Variants in TMEM132B observed in about 807,000 individuals in gnomAD.
TMEM132B encodes the protein transmembrane protein 132B.
In TMEM132B, 18 loss-of-function variants were observed where a neutral mutation model predicts 90.8. That is an observed-to-expected ratio of 0.20 (90% confidence interval 0.14 to 0.29). The LOEUF (loss-of-function observed/expected upper bound fraction) is 0.29. Ranked by LOEUF, TMEM132B falls within the 10% of genes least tolerant of loss-of-function variation. The pLI, the probability that TMEM132B is intolerant of heterozygous loss-of-function variation, is 1.00. For synonymous variants in TMEM132B, 504 were observed against 523.3 expected (o/e 0.96, Z 0.50); for missense variants, 1,096 against 1,326.8 (o/e 0.83, Z 2.70).
At chr12:125,451,678 C>T (rs1344195208) in intron 3 of TMEM132B, among the ~76,000 whole-genome samples, 5 of 151,154 alleles carry the variant, frequency 3.3e-5, no homozygotes, top group South Asian at 2.1e-4. Flanking sequence ...CTCGTCTCCT[C>T]ATGTGTGTAG....
chr12:125,254,864 T>C (rs1187686652), intron 1 of TMEM132B, among the ~76,000 whole-genome samples: 1 of 151,932 alleles, frequency 6.6e-6, no homozygotes. Flanking sequence ...TTTGTGTTTT[T>C]AGTAGAGATG....
In TMEM132B at chr12:125,445,450, C is replaced by G. The variant is rs1432610067; in HGVS notation, c.1106+29773C>G. Among the ~76,000 whole-genome samples the G allele has an allele frequency of 1.3e-5, 2 of 152,204 alleles. No individual in the cohort carries two copies. The highest frequency in any genetic ancestry group is 4.8e-5 in the African/African-American group (2 of 41,452). ...CTGAGACAATGGGCCAAAGTCTAAG[C>G]CTTTCTTCTCTGCAGTGAGTACGGT... is the stretch of plus-strand genomic sequence containing the variant. On this transcript the variant is annotated intron_variant, in intron 3 of 8. Coordinates refer to ENST00000682704, the MANE Select transcript of TMEM132B (RefSeq NM_001366854.1). The surrounding 1 kb of genome is among the most constrained non-coding windows in gnomAD (Gnocchi z 4.3).
chr12:125,512,520 T>C (rs1484868212), intron 3 of TMEM132B, among the ~76,000 whole-genome samples: 3 of 152,224 alleles, frequency 2.0e-5, no homozygotes, highest in African/African-American at 7.2e-5. Context: ...TCTTAGAGTA[T>C]GCCCAGTTGG....
intron 3 of TMEM132B, among the ~76,000 whole-genome samples, chr12:125,497,873 C>T (rs1276722722): frequency 6.6e-6 from 1 of 152,188 alleles, no homozygotes; most frequent in Non-Finnish European, 1.5e-5. Context: ...CTAGCAGGAA[C>T]ATGCCTGAGG....
intron 2 of TMEM132B, among the ~76,000 whole-genome samples, chr12:125,370,293 T>G (rs1878254133): frequency 6.6e-6 from 1 of 152,190 alleles, no homozygotes; most frequent in African/African-American, 2.4e-5. Flanking sequence ...ATGATTATGT[T>G]GTTCTTTCCC....
At chr12:125,442,276 A>G (rs1264100404) in intron 3 of TMEM132B, among the ~76,000 whole-genome samples, 2 of 150,108 alleles carry the variant, frequency 1.3e-5, no homozygotes, top group Admixed American at 1.3e-4. Flanking sequence ...TAGGGAACCA[A>G]CAGATAGTTT....
chr12:125,575,576 A>G (rs1211220779), intron 4 of TMEM132B, among the ~76,000 whole-genome samples: 1 of 151,580 alleles, frequency 6.6e-6, no homozygotes, highest in East Asian at 1.9e-4. Context: ...ATAAAGTACA[A>G]TTTATCTATT....
intron 5 of TMEM132B, among the ~76,000 whole-genome samples, chr12:125,621,739 A>G (rs1230679647): frequency 2.0e-5 from 3 of 152,160 alleles, no homozygotes; most frequent in Non-Finnish European, 4.4e-5. Flanking sequence ...GGAACCAGCA[A>G]AAGTTTTTAA....
rs906291590 is a variant in TMEM132B, at chr12:125,308,620, CT to C, written c.68-40823del. On this transcript the variant is annotated intron_variant, in intron 1 of 8. Transcript: ENST00000682704. The stretch of plus-strand genomic sequence containing the variant: ...TACTAGCAGGATGTGAAAAACCTTT[CT>C]TTTTTTTTAATTGTAATTTTTATTT... Among the ~76,000 whole-genome samples the C allele has an allele frequency of 1.2e-4, 18 of 151,136 alleles. 1 individual carries two copies. The highest frequency in any genetic ancestry group is 7.3e-5 in the African/African-American group (3 of 41,148).
intron 1 of TMEM132B, among the ~76,000 whole-genome samples, chr12:125,304,511 C>T (rs912491561): frequency 1.3e-5 from 2 of 151,866 alleles, no homozygotes; most frequent in Admixed American, 6.6e-5. Flanking sequence ...AGATTTTGCC[C>T]TTAGGTTTTC....
At chr12:125,334,236 G>A (rs567578327) in intron 1 of TMEM132B, among the ~76,000 whole-genome samples, 4 of 152,212 alleles carry the variant, frequency 2.6e-5, no homozygotes, top group East Asian at 1.9e-4. Flanking sequence ...AGAATCGTCC[G>A]TTACTCAATC....
Position 125,415,399 on chromosome 12 carries a change from C to G in TMEM132B, c.960-132C>G, listed in dbSNP as rs1438727265. On this transcript the variant is annotated intron_variant, in intron 2 of 8. Coordinates refer to ENST00000682704, the MANE Select transcript of TMEM132B (RefSeq NM_001366854.1). The surrounding 1 kb of genome is among the most constrained non-coding windows in gnomAD (Gnocchi z 5.3). ...AAAGCCACTTGCCACCACTCTCCCCCACATCTCCCAGAGGAAGGGGGCGAT... is the reference window on the plus strand; with the variant it reads ...AAAGCCACTTGCCACCACTCTCCCCGACATCTCCCAGAGGAAGGGGGCGAT... 11 of 1,170,276 alleles carry G rather than the reference C, an allele frequency of 9.4e-6. No individual in the cohort carries two copies. Among genetic ancestry groups the G allele is most frequent in the Admixed American group, 2.4e-5 (1 of 40,960 alleles). 72.5% of individuals were successfully genotyped at this position (1,170,276 alleles called of 1,614,324 possible).
intron 1 of TMEM132B, among the ~76,000 whole-genome samples, chr12:125,282,053 A>AAAAAAAAAAAAAAAAAAAAAAAAAAAAT (rs1875202813): frequency 3.0e-5 from 1 of 33,402 alleles, no homozygotes; most frequent in Admixed American, 3.2e-4. Flanking sequence ...AAAAAAAAAA[A>AAAAAAAAAAAAAAAAAAAAAAAAAAAAT]AAAAAAAGAG....
chr12:125,254,769 C>T (rs994917596), intron 1 of TMEM132B, among the ~76,000 whole-genome samples: 5 of 151,220 alleles, frequency 3.3e-5, no homozygotes, highest in Admixed American at 6.6e-5. Context: ...CTGCAACCTC[C>T]GCCTCCCGAG....
chr12:125,497,950 G>T (rs912210811), intron 3 of TMEM132B, among the ~76,000 whole-genome samples: 3 of 152,162 alleles, frequency 2.0e-5, no homozygotes, highest in African/African-American at 7.2e-5. Context: ...GCTTGATCAT[G>T]AGTTGGCAAA....
intron 1 of TMEM132B, among the ~76,000 whole-genome samples, chr12:125,206,775 C>T (rs1402127841): frequency 4.6e-5 from 7 of 152,200 alleles, no homozygotes; most frequent in South Asian, 2.1e-4. Context: ...GGATTCATTT[C>T]GAGTTGTTAG....
intron 1 of TMEM132B, among the ~76,000 whole-genome samples, chr12:125,340,387 G>C (rs1402198794): frequency 6.6e-6 from 1 of 152,026 alleles, no homozygotes; most frequent in African/African-American, 2.4e-5. Flanking sequence ...CACCAGCAGA[G>C]ATTTCAGATA....
At chr12:125,646,765 G>T (rs905480013) in intron 6 of TMEM132B, among the ~76,000 whole-genome samples, 2 of 152,212 alleles carry the variant, frequency 1.3e-5, no homozygotes, top group African/African-American at 2.4e-5. Context: ...AGGGTTTCCT[G>T]TCATAATATA....
chr12:125,494,435 C>G (rs114088099), intron 3 of TMEM132B, among the ~76,000 whole-genome samples: 50,247 of 111,740 alleles, frequency 0.45, 12,057 homozygotes, highest in Middle Eastern at 0.55. Context: ...CTGGAAATGG[C>G]CGTGTCCCTC....
Sources: gnomAD v4.1 joint callset for allele counts (sites outside exome capture counted in the v4.1 genomes callset) on GRCh38, gnomAD v4.1.1 for gene constraint, Gnocchi (gnomAD v3.1) non-coding constraint, MANE v1.5 for transcripts, NCBI Gene and HGNC (gene_info 2026-07-23, HGNC 2026-07-21) for gene names.